The following FARP2 variants were observed in gnomAD, a reference collection of about 807,000 sequenced individuals.
FARP2 encodes the protein FERM, ARHGEF and pleckstrin domain-containing protein 2.
FARP2 carries 111 observed loss-of-function variants against 130.5 expected under a neutral mutation model. That is an observed-to-expected ratio of 0.85 (90% confidence interval 0.73 to 1.00). FARP2 has a LOEUF of 1.00. Ranked by LOEUF, FARP2 falls within the 50% of genes least tolerant of loss-of-function variation. The pLI, the probability that FARP2 is intolerant of heterozygous loss-of-function variation, is 0.00. For missense variants in FARP2, 1,385 were observed against 1,346.3 expected, an observed-to-expected ratio of 1.03 and a Z score of -0.45; for synonymous variants, 504 against 516.9, an observed-to-expected ratio of 0.98 and a Z score of 0.34.
intron 2 of FARP2, among the ~76,000 whole-genome samples, chr2:241,398,032 C>T (rs1406536157): frequency 6.6e-6 from 1 of 151,844 alleles, no homozygotes; most frequent in Non-Finnish European, 1.5e-5. Context: ...GGGGTTTCAC[C>T]ATGTTAGCCA....
chr2:241,408,107 C>T lies in FARP2; in HGVS notation c.410+492C>T, dbSNP rs184800762. Among the ~76,000 whole-genome samples the T allele has an allele frequency of 2.0e-4, 30 of 152,290 alleles. No homozygotes were observed. The East Asian group carries it at 5.4e-3, about 27-fold the overall frequency. On this transcript the variant is annotated intron_variant, in intron 5 of 26. Transcript: ENST00000264042. ...AAAGATGGCAGGGTGCAATGGCTCA[C>T]GCCTGTAATCCCAGCATTTTGGGAG...
chr2:241,457,823 G>A (rs965775639), intron 14 of FARP2, among the ~76,000 whole-genome samples: 31 of 152,226 alleles, frequency 2.0e-4, no homozygotes, highest in Admixed American at 3.3e-4. Flanking sequence ...GCTCTTGGGC[G>A]GGAGACCCCG....
chr2:241,440,423 A>C (rs1328388610), intron 12 of FARP2, among the ~76,000 whole-genome samples: 1 of 152,132 alleles, frequency 6.6e-6, no homozygotes, highest in Non-Finnish European at 1.5e-5. Flanking sequence ...GCACCTATGG[A>C]GTAGCAGGTG....
chr2:241,390,743 TA>T (rs1222779041), intron 2 of FARP2, among the ~76,000 whole-genome samples: 1 of 152,232 alleles, frequency 6.6e-6, no homozygotes, highest in East Asian at 1.9e-4. Context: ...CATAGGATCT[TA>T]TTTTTTTAGA....
chr2:241,426,545 T>C (rs1172037402), intron 8 of FARP2, among the ~76,000 whole-genome samples: 1 of 152,132 alleles, frequency 6.6e-6, no homozygotes, highest in African/African-American at 2.4e-5. Flanking sequence ...GTCATAAATG[T>C]GCTTTTCAGA....
At position 241,418,056 on chromosome 2, in the gene FARP2, G is replaced by A. The variant is rs2062721504; in HGVS notation, c.718G>A (p.Glu240Lys). The change falls in exon 8 of 27, where the codon GAA becomes AAA. Residue 240 changes from glutamate (E) to lysine (K), a missense_variant. Coordinates refer to ENST00000264042, the MANE Select transcript of FARP2 (RefSeq NM_014808.4). Reference sequence around the variant, plus strand: ...CAGATTTCACATGGCTTCTGACAGGGAAGGAACCAAGATTCAACTGGCAGT... The same window carrying A: ...CAGATTTCACATGGCTTCTGACAGGAAAGGAACCAAGATTCAACTGGCAGT... ...GIRFHMASDR[E>K]GTKIQLAVSH... 2 of 1,614,050 alleles carry A rather than the reference G, an allele frequency of 1.2e-6. No homozygotes were observed. The highest frequency in any genetic ancestry group is 1.7e-6 in the Non-Finnish European group (2 of 1,180,044).
At chr2:241,405,125 G>A (rs2062299651) in intron 4 of FARP2, 1 of 259,746 alleles carries the variant, frequency 3.8e-6, no homozygotes, top group Non-Finnish European at 7.3e-6. Context: ...TTTCTCCCTT[G>A]ATTATGAAAA....
At position 241,493,334 on chromosome 2, in the gene FARP2, C is replaced by T. The variant is rs746868180; in HGVS notation, c.2937C>T (p.Ser979=). The T allele has an allele frequency of 2.7e-5, 43 of 1,613,852 alleles. No individual in the cohort carries two copies. Among genetic ancestry groups the T allele is most frequent in the East Asian group, 6.7e-5 (3 of 44,896 alleles). The change falls in exon 26 of 27, where the codon AGC becomes AGT. Residue 979 remains serine, a synonymous_variant. Coordinates refer to ENST00000264042, the MANE Select transcript of FARP2 (RefSeq NM_014808.4). Reference sequence around the variant, plus strand: ...CCAGCCTCCCGCTGCTGGGCTACAGCGTGAGCATCCCCAGGGAGGCCGATG... The same window carrying T: ...CCAGCCTCCCGCTGCTGGGCTACAGTGTGAGCATCCCCAGGGAGGCCGATG... ...PLASLPLLGY[S]VSIPREADGI... is the part of the protein sequence containing the mutation.
chr2:241,380,637 A>AT (rs920444255), intron 2 of FARP2, among the ~76,000 whole-genome samples: 1 of 151,526 alleles, frequency 6.6e-6, no homozygotes, highest in African/African-American at 2.4e-5. Flanking sequence ...TGGCACTAAA[A>AT]TTTTTTGAAT....
At chr2:241,415,079 C>T (rs1478979151) in intron 7 of FARP2, among the ~76,000 whole-genome samples, 1 of 152,216 alleles carries the variant, frequency 6.6e-6, no homozygotes. Context: ...TACATACGGT[C>T]AGACCATGCG....
chr2:241,402,349 T>C (rs1333006342), intron 2 of FARP2, among the ~76,000 whole-genome samples: 2 of 152,226 alleles, frequency 1.3e-5, no homozygotes, highest in Non-Finnish European at 2.9e-5. Context: ...GTGAAAAATA[T>C]CTTACTGTTT....
chr2:241,364,564 C>G, intron 1 of FARP2, among the ~76,000 whole-genome samples: 1 of 152,222 alleles, frequency 6.6e-6, no homozygotes, highest in Admixed American at 6.5e-5. Flanking sequence ...CTTTATAAAG[C>G]CCCTATTATT....
chr2:241,488,227 C>T (rs1036240520), intron 21 of FARP2: 2 of 152,104 alleles, frequency 1.3e-5, no homozygotes, highest in East Asian at 1.9e-4. Context: ...TTATCACTTT[C>T]ACACCATCAT....
intron 1 of FARP2, among the ~76,000 whole-genome samples, chr2:241,358,385 T>A (rs1345608831): frequency 1.3e-5 from 2 of 152,216 alleles, no homozygotes. Context: ...TTATCCTGTT[T>A]AGAGGGAATG....
At chr2:241,396,003 A>G (rs1391247397) in intron 2 of FARP2, 2 of 152,210 alleles carry the variant, frequency 1.3e-5, no homozygotes, top group Non-Finnish European at 2.9e-5. Context: ...TACTTTAAAA[A>G]TGATATATTA....
At chr2:241,477,550 G>A (rs4675948) in intron 19 of FARP2, among the ~76,000 whole-genome samples, 3,996 of 152,254 alleles carry the variant, frequency 0.026, 401 homozygotes, top group Admixed American at 0.18. Context: ...TGCTGTGGAC[G>A]TTCATGTACA....
chr2:241,451,476 A>G (rs2063655784), intron 13 of FARP2, among the ~76,000 whole-genome samples: 2 of 152,198 alleles, frequency 1.3e-5, no homozygotes, highest in Non-Finnish European at 2.9e-5. Context: ...CTATGGGTAA[A>G]GAAATCAGTC....
chr2:241,467,272 C>CT (rs541545269), intron 17 of FARP2, among the ~76,000 whole-genome samples: 2 of 152,124 alleles, frequency 1.3e-5, no homozygotes, highest in East Asian at 1.9e-4. Flanking sequence ...AACAAAAAAA[C>CT]TTTAAGTTAG....
rs539728835 is a variant in FARP2, at chr2:241,381,658, A to T, written c.183+8368A>T. Among the ~76,000 whole-genome samples, 3 of 152,336 alleles carry T rather than the reference A, an allele frequency of 2.0e-5. No homozygotes were observed. In the East Asian group the frequency reaches 5.8e-4, roughly 29 times the overall value. The stretch of plus-strand genomic sequence containing the variant: ...TCTACATTATTGTTCCTTTTTAGGT[A>T]TAGAAAGTAGTCATGAATCTCCAGA... On this transcript the variant is annotated intron_variant, in intron 2 of 26. Transcript: ENST00000264042.
Sources: allele counts gnomAD v4.1 joint callset (sites outside exome capture counted in the v4.1 genomes callset), GRCh38; gene constraint gnomAD v4.1.1; transcripts MANE v1.5; gene names NCBI Gene and HGNC (gene_info 2026-07-23, HGNC 2026-07-21).